Variants in CRIM1 observed in about 807,000 individuals in gnomAD.
CRIM1 encodes cysteine rich transmembrane BMP regulator 1.
Under a neutral mutation model 116.4 loss-of-function variants are expected in CRIM1, and 32 were observed. That is an observed-to-expected ratio of 0.27 (90% CI 0.21 to 0.37). CRIM1 has a LOEUF of 0.37. CRIM1 is among the 10% of genes least tolerant of loss of function. The pLI, the probability that CRIM1 is intolerant of heterozygous loss-of-function variation, is 1.00. For missense variants in CRIM1, 1,331 were observed against 1,354.8 expected, an observed-to-expected ratio of 0.98 and a Z score of 0.28; for synonymous variants, 590 against 509.2, an observed-to-expected ratio of 1.16 and a Z score of -2.13.
chr2:36,417,833 G>T (rs1346085962), intron 2 of CRIM1, among the ~76,000 whole-genome samples: 1 of 152,154 alleles, frequency 6.6e-6, no homozygotes, highest in Admixed American at 6.5e-5. Context: ...ACAGGTACGA[G>T]AAAAATGCAC....
chr2:36,483,699 T>C (rs1415109569), intron 7 of CRIM1, among the ~76,000 whole-genome samples: 5 of 152,120 alleles, frequency 3.3e-5, no homozygotes, highest in African/African-American at 1.2e-4. Context: ...CAACATGTGA[T>C]GTGTAAGTAG....
At chr2:36,505,355 C>G (rs1681317847) in intron 8 of CRIM1, among the ~76,000 whole-genome samples, 1 of 151,036 alleles carries the variant, frequency 6.6e-6, no homozygotes, top group African/African-American at 2.4e-5. Flanking sequence ...TTGATATAAA[C>G]AAGAGTTAAG....
chr2:36,381,135 T>C (rs562734901), intron 1 of CRIM1, among the ~76,000 whole-genome samples: 3 of 152,120 alleles, frequency 2.0e-5, no homozygotes, highest in South Asian at 4.1e-4. Flanking sequence ...CACAGGAATC[T>C]AGAGCCCTCC....
chr2:36,432,455 A>G (rs1233960627), intron 2 of CRIM1, among the ~76,000 whole-genome samples: 1 of 152,222 alleles, frequency 6.6e-6, no homozygotes, highest in Non-Finnish European at 1.5e-5. Flanking sequence ...CAGATGAAAT[A>G]AAATGTCTCT....
At chr2:36,521,526 A>C (rs1279013447) in intron 12 of CRIM1, among the ~76,000 whole-genome samples, 1 of 152,232 alleles carries the variant, frequency 6.6e-6, no homozygotes, top group East Asian at 1.9e-4. Flanking sequence ...GATGTTTATC[A>C]GCATTGATTC....
intron 2 of CRIM1, among the ~76,000 whole-genome samples, chr2:36,427,196 G>A (rs552015689): frequency 2.7e-5 from 4 of 149,558 alleles, no homozygotes; most frequent in East Asian, 2.0e-4. Context: ...GTGAAACTCT[G>A]TCTCAAAAAA....
intron 2 of CRIM1, among the ~76,000 whole-genome samples, chr2:36,413,325 CAT>C (rs764939842): frequency 3.3e-5 from 5 of 152,162 alleles, no homozygotes; most frequent in African/African-American, 7.2e-5. Flanking sequence ...AGTTAAAGGA[CAT>C]AGTCTCATAG....
chr2:36,424,670 C>G (rs1674318504), intron 2 of CRIM1, among the ~76,000 whole-genome samples: 1 of 152,146 alleles, frequency 6.6e-6, no homozygotes, highest in South Asian at 2.1e-4. Context: ...ATTTGTATTT[C>G]AAAACCCTGA....
chr2:36,463,966 A>C (rs1677789445), intron 4 of CRIM1, among the ~76,000 whole-genome samples: 1 of 152,216 alleles, frequency 6.6e-6, no homozygotes. Flanking sequence ...TTTATTGTGC[A>C]CAGTCATAAA....
intron 13 of CRIM1, among the ~76,000 whole-genome samples, chr2:36,534,520 GGGAAGGGAGGGAGA>G (rs1396388554): frequency 1.5e-5 from 2 of 134,596 alleles, no homozygotes; most frequent in Non-Finnish European, 3.2e-5. Context: ...GAGAGGGATA[GGGAAGGGAGGGAGA>G]GGAAGGAAGG....
intron 2 of CRIM1, among the ~76,000 whole-genome samples, chr2:36,428,606 A>G (rs901890827): frequency 4.6e-5 from 7 of 152,206 alleles, no homozygotes; most frequent in Non-Finnish European, 1.0e-4. Context: ...CCAACTTATT[A>G]TAGTGTCTCT....
At chr2:36,364,031 C>T (rs943579929) in intron 1 of CRIM1, among the ~76,000 whole-genome samples, 1 of 152,182 alleles carries the variant, frequency 6.6e-6, no homozygotes, top group Non-Finnish European at 1.5e-5. Flanking sequence ...ACAGTAGTGA[C>T]ATCACTTGTG....
chr2:36,477,071 G>T lies in CRIM1; in HGVS notation c.1174G>T (p.Asp392Tyr). The T allele has an allele frequency of 6.2e-7, 1 of 1,602,732 alleles. No individual in the cohort carries two copies. Among genetic ancestry groups the T allele is most frequent in the Non-Finnish European group, 8.5e-7 (1 of 1,175,124 alleles). Reference protein sequence around the residue: ...PEGECCPVCEDPVYPFNNPAG... With the variant: ...PEGECCPVCEYPVYPFNNPAG... ...AGGAGAGTGCTGCCCAGTGTGTGAA[G>T]GTAAGAAAAGGTGCTAATTACAGAT... The change falls in exon 6 of 17, where the codon GAT becomes TAT. Residue 392 changes from aspartate to tyrosine, a missense_variant and splice_region_variant. Asp to Tyr is a radical substitution (Grantham distance 160). Transcript: ENST00000280527.
chr2:36,364,529 G>A (rs937852270), intron 1 of CRIM1, among the ~76,000 whole-genome samples: 4 of 152,134 alleles, frequency 2.6e-5, no homozygotes, highest in Non-Finnish European at 5.9e-5. Flanking sequence ...CTGACCACCA[G>A]GAAAAGTTTA....
intron 2 of CRIM1, among the ~76,000 whole-genome samples, chr2:36,407,701 G>A (rs1279644654): frequency 2.7e-5 from 3 of 110,034 alleles, no homozygotes; most frequent in African/African-American, 4.1e-5. Flanking sequence ...TCTTGTGCCC[G>A]TCAAAAAAAA....
At chr2:36,409,052 T>A (rs1673022341) in intron 2 of CRIM1, among the ~76,000 whole-genome samples, 1 of 152,046 alleles carries the variant, frequency 6.6e-6, no homozygotes, top group Non-Finnish European at 1.5e-5. Context: ...GAGTTTTAAT[T>A]AAAAAAGAAA....
chr2:36,462,003 T>C (rs1394699170), intron 4 of CRIM1, among the ~76,000 whole-genome samples: 1 of 152,130 alleles, frequency 6.6e-6, no homozygotes, highest in Non-Finnish European at 1.5e-5. Context: ...TGGCAACAGG[T>C]AGATCAGAAG....
chr2:36,543,859 T>C (rs1667129646), intron 14 of CRIM1, among the ~76,000 whole-genome samples: 1 of 152,114 alleles, frequency 6.6e-6, no homozygotes, highest in Admixed American at 6.5e-5. Context: ...CATCTGAGAC[T>C]TATACTCATG....
Position 36,512,379 on chromosome 2 carries a change from A to T in CRIM1, c.1765A>T (p.Ile589Phe). 1.2e-6 allele frequency: 2 copies of T among 1,613,320 alleles called. No individual in the cohort carries two copies. The highest frequency in any genetic ancestry group is 1.7e-6 in the Non-Finnish European group (2 of 1,179,346). ...CCAGCAGGACAGTCACGGCTGTCTTATCTGCAAGTGCAGAGGTAAGTGTGT... is the reference window on the plus strand; with the variant it reads ...CCAGCAGGACAGTCACGGCTGTCTTTTCTGCAAGTGCAGAGGTAAGTGTGT... ...GFQQDSHGCL[I>F]CKCREASASA... The change falls in exon 10 of 17, where the codon ATC (isoleucine) becomes TTC (phenylalanine). Residue 589 changes from isoleucine (I) to phenylalanine (F), a missense_variant. Around this residue, in one of 3 missense-constraint regions of CRIM1, gnomAD observed 358 missense variants for 436.1 expected, o/e 0.82. Transcript: ENST00000280527.
Sources: gnomAD v4.1 joint callset for allele counts (sites outside exome capture counted in the v4.1 genomes callset) on GRCh38, gnomAD v4.1.1 for gene constraint, gnomAD v4.1.1 regional missense constraint, MANE v1.5 for transcripts, NCBI Gene and HGNC (gene_info 2026-07-23, HGNC 2026-07-21) for gene names.